Variants in SIRPB2 observed in about 807,000 individuals in gnomAD.
SIRPB2 encodes signal-regulatory protein beta-2.
In SIRPB2, 18 loss-of-function variants were observed where a neutral mutation model predicts 27.1. That is an observed-to-expected ratio of 0.66 (90% CI 0.46 to 0.98). The LOEUF (loss-of-function observed/expected upper bound fraction) is 0.98. Ranked by LOEUF, SIRPB2 falls within the 50% of genes least tolerant of loss-of-function variation. SIRPB2 has a pLI of 0.00. For synonymous variants in SIRPB2, 150 were observed against 164.6 expected (o/e 0.91, Z 0.68); for missense variants, 420 against 417.4 (o/e 1.01, Z -0.06).
intron 1 of SIRPB2, among the ~76,000 whole-genome samples, chr20:1,481,186 T>A (rs758020383): frequency 9.8e-5 from 15 of 152,302 alleles, no homozygotes; most frequent in African/African-American, 2.2e-4. Flanking sequence ...ATTTATTTTT[T>A]AATTTTTTTT....
At chr20:1,477,141 G>T in intron 4 of SIRPB2, 197 bp downstream of exon 4, 1 of 1,543,600 alleles carries the variant, frequency 6.5e-7, no homozygotes, top group Non-Finnish European at 8.7e-7. Context: ...CTGGCTATGA[G>T]AAAGTTCGTT....
intron 1 of SIRPB2, among the ~76,000 whole-genome samples, chr20:1,490,476 T>C (rs2090767063): frequency 6.6e-6 from 1 of 152,152 alleles, no homozygotes; most frequent in Non-Finnish European, 1.5e-5. Flanking sequence ...GGCTGAGCTA[T>C]ATATTCAGGG....
At chr20:1,477,677 G>T (rs1318501113) in intron 3 of SIRPB2, among the ~76,000 whole-genome samples, 1 of 152,142 alleles carries the variant, frequency 6.6e-6, no homozygotes, top group South Asian at 2.1e-4. Context: ...AATTATTATT[G>T]TTACTATTAT....
chr20:1,478,982 A>G (rs1477765957), intron 2 of SIRPB2, among the ~76,000 whole-genome samples: 1 of 152,258 alleles, frequency 6.6e-6, no homozygotes, highest in African/African-American at 2.4e-5. Context: ...TCTGGCATCA[A>G]GTTAAAATGA....
At chr20:1,479,450 G>A (rs1259763557) in intron 2 of SIRPB2, 1 of 553,668 alleles carries the variant, frequency 1.8e-6, no homozygotes, top group Non-Finnish European at 3.2e-6. Context: ...GTTGGGACTG[G>A]GCTTCTGCTT....
intron 4 of SIRPB2, 120 bp from the exon 5 acceptor site, chr20:1,476,456 C>T: frequency 3.7e-6 from 4 of 1,077,654 alleles, no homozygotes; most frequent in Non-Finnish European, 5.2e-6. Context: ...GAGCTGTATC[C>T]TTTCTACATT....
chr20:1,476,180 T>C lies in SIRPB2; in HGVS notation c.1016A>G (p.Lys339Arg). ...AGAMNTLAWS[K>R]GQE ...GGGGCTGACCCCTCACTCTTGACCCTTGCTCCATGCTAAGGTGTTCATGGC... is the reference window on the plus strand; with the variant it reads ...GGGGCTGACCCCTCACTCTTGACCCCTGCTCCATGCTAAGGTGTTCATGGC... Residue 339 changes from lysine to arginine, a missense_variant, in exon 5 of 5, where the codon AAG becomes AGG. Coordinates refer to ENST00000359801, the MANE Select transcript of SIRPB2 (RefSeq NM_001122962.2). 1 of 1,613,954 alleles carries C rather than the reference T, an allele frequency of 6.2e-7. No individual in the cohort carries two copies. Among genetic ancestry groups the C allele is most frequent in the Non-Finnish European group, 8.5e-7 (1 of 1,179,932 alleles).
At chr20:1,470,790 C>T (rs968760342), downstream of SIRPB2, 1 of 152,128 alleles carries the variant, frequency 6.6e-6, no homozygotes, top group African/African-American at 2.4e-5. Context: ...TTTACTAGCG[C>T]GTACAAACAC....
At position 1,491,239 on chromosome 20, in the gene SIRPB2, G is replaced by A. The variant is rs551925276; in HGVS notation, c.85+36C>T. ...GTGCCCCTCTAGGGACTGACCAGCCGGGGGTGGACCCTGTTCTATCCTAGA... is the reference window on the plus strand; with the variant it reads ...GTGCCCCTCTAGGGACTGACCAGCCAGGGGTGGACCCTGTTCTATCCTAGA... On this transcript the variant is annotated intron_variant, in intron 1 of 4. Transcript: ENST00000359801. The A allele has an allele frequency of 8.2e-5, 129 of 1,578,200 alleles. 2 individuals are homozygous for A. The highest frequency in any genetic ancestry group is 1.1e-4 in the South Asian group (10 of 87,310).
At chr20:1,471,635 G>C (rs1053114265), downstream of SIRPB2, among the ~76,000 whole-genome samples, 1 of 152,296 alleles carries the variant, frequency 6.6e-6, no homozygotes, top group African/African-American at 2.4e-5. Flanking sequence ...CTGCTCTCTG[G>C]GCGGTGTGTC....
Position 1,476,338 on chromosome 20 carries a change from T to C in SIRPB2, c.860-2A>G, listed in dbSNP as rs2090606226. On this transcript the variant is annotated splice_acceptor_variant, in intron 4 of 4. Transcript: ENST00000359801. LOFTEE classifies it high-confidence loss of function. ...CAGGTGCGAACACAACCAGGAGGCC[T>C]GGGAGGCACAGGAGAGAGCTCAGGC... 6.2e-7 allele frequency: 1 copy of C among 1,610,928 alleles called. No individual in the cohort carries two copies. Among genetic ancestry groups the C allele is most frequent in the Admixed American group, 1.7e-5 (1 of 59,488 alleles).
intron 1 of SIRPB2, among the ~76,000 whole-genome samples, chr20:1,488,641 C>G (rs926334061): frequency 5.2e-5 from 3 of 57,348 alleles, no homozygotes; most frequent in African/African-American, 2.0e-4. Flanking sequence ...GAGTGAGACC[C>G]TGTCTCAAAA....
At chr20:1,477,857 T>G (rs1282455602) in intron 3 of SIRPB2, among the ~76,000 whole-genome samples, 2 of 152,140 alleles carry the variant, frequency 1.3e-5, no homozygotes, top group Non-Finnish European at 2.9e-5. Flanking sequence ...GTATTTTTAT[T>G]ACAGACGGGG....
rs752411177 is a variant in SIRPB2 at position 1,476,230 on chromosome 20, A to G, written c.966T>C (p.Asp322=). Reference sequence around the variant, plus strand: ...CTCCTGCTGGGCCTGTGGTCTTGACATCTTCTTGCCCAGGGCTCCTCCGAG... The same window carrying G: ...CTCCTGCTGGGCCTGTGGTCTTGACGTCTTCTTGCCCAGGGCTCCTCCGAG... ...ATSRRSPGQE[D]VKTTGPAGAM... is the part of the protein sequence containing the mutation. The change falls in exon 5 of 5, where the codon GAT becomes GAC. Residue 322 remains aspartate (D), a synonymous_variant. Coordinates refer to ENST00000359801, the MANE Select transcript of SIRPB2 (RefSeq NM_001122962.2). The G allele has an allele frequency of 6.2e-7, 1 of 1,614,034 alleles. No individual in the cohort carries two copies. Among genetic ancestry groups the G allele is most frequent in the East Asian group, 2.2e-5 (1 of 44,856 alleles).
In SIRPB2 at chr20:1,476,240, C is replaced by T. The variant is rs746495724; in HGVS notation, c.956G>A (p.Gly319Glu). Residue 319 changes from glycine to glutamate, a missense_variant, in exon 5 of 5, where the codon GGG becomes GAG. Coordinates refer to ENST00000359801, the MANE Select transcript of SIRPB2 (RefSeq NM_001122962.2). ...LALATSRRSP[G>E]QEDVKTTGPA... ...GCCTGTGGTCTTGACATCTTCTTGC[C>T]CAGGGCTCCTCCGAGAGGTAGCCAG... is the stretch of plus-strand genomic sequence containing the variant. 6.2e-7 allele frequency: 1 copy of T among 1,613,978 alleles called. No individual in the cohort carries two copies. Among genetic ancestry groups the T allele is most frequent in the South Asian group, 1.1e-5 (1 of 91,060 alleles).
In SIRPB2 at chr20:1,478,606, T is replaced by C. The variant is rs763127146; in HGVS notation, c.453A>G (p.Gly151=). The C allele has an allele frequency of 5.1e-6, 8 of 1,558,676 alleles. No homozygotes were observed. The African/African-American group carries it at 8.2e-5, about 16-fold the overall frequency. ...SDEGTSVLVK[G]AGDPEPDLWI... Reference sequence around the variant, plus strand: ...ACAGGTCTGGTTCAGGGTCCCCAGCTCCTGAAGCCAAAGAGGAGGTCCTTG... The same window carrying C: ...ACAGGTCTGGTTCAGGGTCCCCAGCCCCTGAAGCCAAAGAGGAGGTCCTTG... Residue 151 remains glycine (G), a splice_region_variant and synonymous_variant, in exon 3 of 5, where the codon GGA becomes GGG. Transcript: ENST00000359801.
rs541945136 is a variant in SIRPB2, at chr20:1,482,799, T to C, written c.86-2734A>G. On this transcript the variant is annotated intron_variant, in intron 1 of 4. Coordinates refer to ENST00000359801, the MANE Select transcript of SIRPB2 (RefSeq NM_001122962.2). ...TTTTTCACGGTTGAATAGTATTCCA[T>C]TGTGGGTGTGCTTGGGGACACTATA... 3.9e-5 allele frequency among the ~76,000 whole-genome samples: 6 copies of C among 152,080 alleles called. 1 individual carries two copies. Among genetic ancestry groups the C allele is most frequent in the East Asian group, 1.9e-4 (1 of 5,178 alleles).
chr20:1,477,951 A>T, intron 3 of SIRPB2: 1 of 497,186 alleles, frequency 2.0e-6, no homozygotes, highest in Non-Finnish European at 3.9e-6. Flanking sequence ...TGGGATTACA[A>T]GAGTGAACTA....
chr20:1,478,590 G>C lies in SIRPB2; in HGVS notation c.469C>G (p.Pro157Ala), dbSNP rs771297870. The change falls in exon 3 of 5, where the codon CCA (proline) becomes GCA (alanine). Residue 157 changes from proline (P) to alanine (A), a missense_variant. Pro to Ala is a conservative substitution (Grantham distance 27). Coordinates refer to ENST00000359801, the MANE Select transcript of SIRPB2 (RefSeq NM_001122962.2). The part of the protein sequence containing the change: ...VLVKGAGDPE[P>A]DLWIIQPQEL... ...TGGGGCTGGATGATCCACAGGTCTG[G>C]TTCAGGGTCCCCAGCTCCTGAAGCC... 1.3e-6 allele frequency: 2 copies of C among 1,579,712 alleles called. No homozygotes were observed. Among genetic ancestry groups the C allele is most frequent in the South Asian group, 1.1e-5 (1 of 88,688 alleles).
Sources: gnomAD v4.1 joint callset for allele counts (sites outside exome capture counted in the v4.1 genomes callset) on GRCh38, gnomAD v4.1.1 for gene constraint, MANE v1.5 for transcripts, NCBI Gene and HGNC (gene_info 2026-07-23, HGNC 2026-07-21) for gene names.